Variants in MICAL1 observed in about 807,000 individuals in gnomAD.
MICAL1 encodes the protein [F-actin]-monooxygenase MICAL1.
Under a neutral mutation model 131.8 loss-of-function variants are expected in MICAL1, and 95 were observed. The observed-to-expected ratio is 0.72, with a 90% CI of 0.61 to 0.86. The LOEUF (loss-of-function observed/expected upper bound fraction) is 0.86, where lower values mean the gene tolerates loss of function less well. MICAL1 is among the 40% of genes least tolerant of loss of function. MICAL1 has a pLI of 0.00. For missense variants in MICAL1, 1,292 were observed against 1,380.6 expected, an observed-to-expected ratio of 0.94 and a Z score of 1.02; for synonymous variants, 546 against 554.2, an observed-to-expected ratio of 0.99 and a Z score of 0.21.
chr6:109,444,585 G>C (rs2146411), intron 24 of MICAL1, 140 bp downstream of exon 24: 85,422 of 1,106,014 alleles, frequency 0.077, 3,872 homozygotes, highest in Admixed American at 0.14. Context: ...GGGCTTTGGA[G>C]CCCCCTCCTC....
intron 11 of MICAL1, 160 bp from the exon 12 acceptor site, chr6:109,449,039 C>T (rs983887837): frequency 2.5e-5 from 23 of 927,948 alleles, no homozygotes; most frequent in South Asian, 6.9e-5. Flanking sequence ...AGCTCTCCAT[C>T]CCAATTCTCT....
Position 109,446,270 on chromosome 6 carries a change from A to AACC in MICAL1, c.2444_2446dup (p.Arg815_Leu816insTrp). ...GTCAGGGGTAAGGTTAAGGGAGGAC[A>AACC]ACCGCTGGCGCTCCGGGCTGGAGAG... On this transcript the variant is annotated inframe_insertion, in exon 19 of 25. Transcript: ENST00000358807. 1 of 1,613,626 alleles carries AACC rather than the reference A, an allele frequency of 6.2e-7. No individual in the cohort carries two copies. Among genetic ancestry groups the AACC allele is most frequent in the African/African-American group, 1.3e-5 (1 of 75,002 alleles).
chr6:109,448,887 A>G lies in MICAL1; in HGVS notation c.1517-8T>C. The G allele has an allele frequency of 6.2e-7, 1 of 1,612,994 alleles. No individual in the cohort carries two copies. ...CCTGGGTGCCTGCCGACCCTGGGAAAGAAGGCTGTGCTGTGCCCAAGGCCC... is the reference window on the plus strand; with the variant it reads ...CCTGGGTGCCTGCCGACCCTGGGAAGGAAGGCTGTGCTGTGCCCAAGGCCC... On this transcript the variant is annotated splice_polypyrimidine_tract_variant and splice_region_variant and intron_variant, in intron 11 of 24. Coordinates refer to ENST00000358807, the MANE Select transcript of MICAL1 (RefSeq NM_022765.4).
In MICAL1 at chr6:109,448,299, A is replaced by G. The variant is rs1775340557; in HGVS notation, c.1759T>C (p.Ser587Pro). The stretch of plus-strand genomic sequence containing the variant: ...CTCCCTGCTACCACGGCCTGTGCAG[A>G]CACCACCGGTGTGATGCCCAGCTCA... ...ENELGITPVV[S>P]AQAVVAGSDP... Residue 587 changes from serine to proline, a missense_variant, in exon 13 of 25, where the codon TCT (serine) becomes CCT (proline). Transcript: ENST00000358807. 1.2e-6 allele frequency: 2 copies of G among 1,613,988 alleles called. No homozygotes were observed. The highest frequency in any genetic ancestry group is 1.1e-5 in the South Asian group (1 of 91,086).
At chr6:109,465,963 G>A (rs1366094218) in exon 1 of MICAL1, 1 of 1,614,204 alleles carries the variant, frequency 6.2e-7, no homozygotes, top group African/African-American at 1.3e-5. Flanking sequence ...AGTACTTGTA[G>A]CTAAATGGAG....
intron 5 of MICAL1, 42 bp downstream of exon 5, chr6:109,452,469 G>A (rs1775583718): frequency 1.2e-6 from 2 of 1,611,882 alleles, no homozygotes; most frequent in Non-Finnish European, 1.7e-6. Flanking sequence ...GGCCCAGGAT[G>A]TGCCAGAGAT....
upstream of MICAL1, among the ~76,000 whole-genome samples, chr6:109,459,756 G>C (rs943594655): frequency 6.6e-6 from 1 of 152,138 alleles, no homozygotes; most frequent in Non-Finnish European, 1.5e-5. Context: ...GACTGCCTTT[G>C]CCCTTCAAAC....
chr6:109,449,668 T>A lies in MICAL1; in HGVS notation c.1423A>T (p.Thr475Ser). Residue 475 changes from threonine (T) to serine (S), a missense_variant, in exon 10 of 25, where the codon ACC becomes TCC. Transcript: ENST00000358807. ...GTCGGGGGTCTGACCTGATTGGGGG[T>A]CACTGCCCGGAGGTTCAGGTTGGGG... ...RYPNLNLRAV[T>S]PNQVRDLYDV... 6.3e-7 allele frequency: 1 copy of A among 1,580,190 alleles called. No homozygotes were observed. Among genetic ancestry groups the A allele is most frequent in the Non-Finnish European group, 8.6e-7 (1 of 1,163,300 alleles).
chr6:109,462,199 G>C (rs1775905743), intron 1 of MICAL1, among the ~76,000 whole-genome samples: 1 of 152,200 alleles, frequency 6.6e-6, no homozygotes, highest in Non-Finnish European at 1.5e-5. Flanking sequence ...TAAGACAGAG[G>C]GAAGGACATG....
At chr6:109,452,938 C>G (rs1021643840) in intron 4 of MICAL1, among the ~76,000 whole-genome samples, 2 of 152,220 alleles carry the variant, frequency 1.3e-5, no homozygotes, top group South Asian at 4.2e-4. Flanking sequence ...GGGTGGATCA[C>G]TTGAGGTCAG....
chr6:109,452,044 C>T (rs1484152276), intron 6 of MICAL1: 2 of 1,409,904 alleles, frequency 1.4e-6, no homozygotes, highest in African/African-American at 2.9e-5. Flanking sequence ...TGAGAGATTC[C>T]AGGACTTTTC....
intron 1 of MICAL1, among the ~76,000 whole-genome samples, chr6:109,462,260 C>A (rs1049539786): frequency 6.6e-6 from 1 of 152,184 alleles, no homozygotes; most frequent in Non-Finnish European, 1.5e-5. Flanking sequence ...CAGAAGAAAC[C>A]AACCCCACTG....
upstream of MICAL1, chr6:109,456,011 G>A: frequency 8.1e-6 from 8 of 986,064 alleles, no homozygotes; most frequent in Non-Finnish European, 9.6e-6. Context: ...GCAGGGTGGC[G>A]CCCGAGGGCG....
In MICAL1 at chr6:109,445,865, GAGA is replaced by G. The variant is rs750543524; in HGVS notation, c.2582-6_2582-4del. On this transcript the variant is annotated splice_region_variant and splice_polypyrimidine_tract_variant and intron_variant, in intron 19 of 24. Coordinates refer to ENST00000358807, the MANE Select transcript of MICAL1 (RefSeq NM_022765.4). ...CTCCTTCTCCATGGCCACAAGAGCT[GAGA>G]AGAAGAACTGAGACGTTCTACTGCC... The G allele has an allele frequency of 1.4e-4, 226 of 1,598,268 alleles. No homozygotes were observed. Among genetic ancestry groups the G allele is most frequent in the Admixed American group, 2.8e-4 (16 of 57,716 alleles).
upstream of MICAL1, among the ~76,000 whole-genome samples, chr6:109,458,833 C>T (rs182842664): frequency 1.3e-5 from 2 of 152,270 alleles, no homozygotes; most frequent in African/African-American, 2.4e-5. Context: ...TATCTTCAAG[C>T]AACAAACCCA....
At chr6:109,460,733 CAA>C (rs955757106), upstream of MICAL1, among the ~76,000 whole-genome samples, 14 of 152,056 alleles carry the variant, frequency 9.2e-5, no homozygotes, top group African/African-American at 2.7e-4. Context: ...AAAAGCAAAA[CAA>C]AGAGTTTTCT....
At chr6:109,448,662 A>G (rs1370915827) in intron 12 of MICAL1, 70 bp downstream of exon 12, 12 of 1,587,080 alleles carry the variant, frequency 7.6e-6, no homozygotes, top group Non-Finnish European at 9.5e-6. Flanking sequence ...CACTGTCTCT[A>G]GGATTCAACT....
rs373358363 is a variant in MICAL1 at position 109,452,551 on chromosome 6, G to A, written c.636C>T (p.Asp212=). The change falls in exon 5 of 25, where the codon GAC becomes GAT. Residue 212 remains aspartate (D), a synonymous_variant. Transcript: ENST00000358807. ...PPAQLANYEF[D]VLISAAGGKF... ...TACCTCCTGCAGCCGAGATAAGGAC[G>A]TCAAATTCATAGTTGGCCAGCTGGG... The A allele has an allele frequency of 3.3e-5, 53 of 1,613,896 alleles. No individual in the cohort carries two copies. Among genetic ancestry groups the A allele is most frequent in the Non-Finnish European group, 2.7e-5 (32 of 1,180,002 alleles).
Position 109,446,785 on chromosome 6 carries a change from G to A in MICAL1, c.2228-13C>T, listed in dbSNP as rs201265278. ...CAGTAGAAATGTCCTGGAAAGGGTA[G>A]AGAGGGGAGGAGGCATTTGGTGTGG... On this transcript the variant is annotated splice_polypyrimidine_tract_variant and intron_variant, in intron 17 of 24. Coordinates refer to ENST00000358807, the MANE Select transcript of MICAL1 (RefSeq NM_022765.4). 2.7e-5 allele frequency: 43 copies of A among 1,610,948 alleles called. No homozygotes were observed. The highest frequency in any genetic ancestry group is 3.6e-5 in the Non-Finnish European group (43 of 1,178,458).
Sources: allele counts gnomAD v4.1 joint callset (sites outside exome capture counted in the v4.1 genomes callset), GRCh38; gene constraint gnomAD v4.1.1; transcripts MANE v1.5; gene names NCBI Gene and HGNC (gene_info 2026-07-23, HGNC 2026-07-21).